Variants in BROX observed in about 807,000 individuals in gnomAD.
BROX encodes the protein BRO1 domain-containing protein BROX.
In BROX, 53 loss-of-function variants were observed where a neutral mutation model predicts 61.0. The observed-to-expected ratio is 0.87, with a 90% CI of 0.70 to 1.09. BROX has a LOEUF of 1.09. BROX is among the 50% of genes least tolerant of loss of function. The probability of loss-of-function intolerance (pLI) is 0.00; values close to 1 mark genes in which losing one functional copy is unlikely to be tolerated. For synonymous variants in BROX, 152 were observed against 160.2 expected, an observed-to-expected ratio of 0.95 and a Z score of 0.38; for missense variants, 489 against 472.0, an observed-to-expected ratio of 1.04 and a Z score of -0.33.
Position 222,729,621 on chromosome 1 carries a change from C to T in BROX, c.758C>T (p.Ala253Val). The T allele has an allele frequency of 6.2e-7, 1 of 1,611,720 alleles. No homozygotes were observed. Among genetic ancestry groups the T allele is most frequent in the South Asian group, 1.1e-5 (1 of 90,906 alleles). ...TAAAAAATTTGTTTATTTCATCAGG[C>T]TTACTGTTACCATGGTGAGACTTTA... ...HLKMCFYTAYAYCYHGETLLA... is the reference protein window; with the variant it reads ...HLKMCFYTAYVYCYHGETLLA... Residue 253 changes from alanine (A) to valine (V), a missense_variant and splice_region_variant, in exon 10 of 13, where the codon GCT (alanine) becomes GTT (valine). Transcript: ENST00000340934.
chr1:222,725,672 G>T (rs552563652), intron 7 of BROX, 117 bp downstream of exon 7: 1 of 692,334 alleles, frequency 1.4e-6, no homozygotes, highest in Non-Finnish European at 2.2e-6. Context: ...CACTTTGGGA[G>T]GTCTAGGTGG....
In BROX at chr1:222,733,752, G is replaced by C. The variant is rs1398163019; in HGVS notation, c.*1038G>C. The C allele has an allele frequency of 6.6e-6, 1 of 152,018 alleles. No homozygotes were observed. Among genetic ancestry groups the C allele is most frequent in the African/African-American group, 2.4e-5 (1 of 41,388 alleles). The allele number at this position is 152,018 out of a possible 1,614,324, so 9.4% of individuals were successfully genotyped here. A position where few individuals can be genotyped will look rare whatever the true frequency, so the allele number is the denominator to read the frequency against. Reference sequence around the variant, plus strand: ...TTTTTACAAATATCTTTTTCTAGTGGGTTTTTTACTTAGAGGAAAGAACTT... The same window carrying C: ...TTTTTACAAATATCTTTTTCTAGTGCGTTTTTTACTTAGAGGAAAGAACTT... On this transcript the variant is annotated 3_prime_UTR_variant, in exon 13 of 13. Coordinates refer to ENST00000340934, the MANE Select transcript of BROX (RefSeq NM_144695.4).
At chr1:222,720,525 G>A (rs1656998590) in intron 4 of BROX, among the ~76,000 whole-genome samples, 1 of 152,060 alleles carries the variant, frequency 6.6e-6, no homozygotes, top group African/African-American at 2.4e-5. Flanking sequence ...GTAATAGTGA[G>A]CTAAAGCCGG....
intron 4 of BROX, 143 bp from the exon 5 acceptor site, chr1:222,722,276 C>T (rs1371696716): frequency 4.4e-6 from 3 of 688,470 alleles, no homozygotes; most frequent in Non-Finnish European, 7.7e-6. Flanking sequence ...CTTATCTCCC[C>T]ATCTATATTA....
intron 8 of BROX, 59 bp from the exon 9 acceptor site, chr1:222,728,683 TA>T: frequency 1.8e-6 from 2 of 1,134,266 alleles, no homozygotes; most frequent in Non-Finnish European, 1.3e-6. Flanking sequence ...ACACATGAAC[TA>T]AAAGTCTTCT....
rs1658082067 is a variant in BROX at position 222,733,217 on chromosome 1, A to T, written c.*503A>T. ...TGCCTCAGCCTCCCGAGTAGCTGGG[A>T]TTACAGGCACGCACCACTACACCCA... is the stretch of plus-strand genomic sequence containing the variant. On this transcript the variant is annotated 3_prime_UTR_variant, in exon 13 of 13. Transcript: ENST00000340934. 1 of 151,806 alleles carries T rather than the reference A, an allele frequency of 6.6e-6. No homozygotes were observed. The highest frequency in any genetic ancestry group is 1.5e-5 in the Non-Finnish European group (1 of 68,758). 9.4% of individuals were successfully genotyped at this position (151,806 alleles called of 1,614,324 possible).
rs377488920 is a variant in BROX at position 222,722,481 on chromosome 1, C to T, written c.368C>T (p.Thr123Ile). 6.2e-7 allele frequency: 1 copy of T among 1,613,048 alleles called. No homozygotes were observed. Among genetic ancestry groups the T allele is most frequent in the Non-Finnish European group, 8.5e-7 (1 of 1,179,230 alleles). Residue 123 changes from threonine (T) to isoleucine (I), a missense_variant, in exon 5 of 13, where the codon ACC (threonine) becomes ATC (isoleucine). Transcript: ENST00000340934. Reference protein sequence around the residue: ...SMGFNVALWYTKYASRLAGKE... With the variant: ...SMGFNVALWYIKYASRLAGKE... The stretch of plus-strand genomic sequence containing the variant: ...GGATTTAATGTAGCTTTATGGTATA[C>T]CAAATATGCTTCAAGACTGGCTGGA...
chr1:222,713,593 C>A (rs1052280565), intron 1 of BROX: 5 of 308,492 alleles, frequency 1.6e-5, no homozygotes, highest in Admixed American at 6.5e-5. Context: ...CCTAGGAACT[C>A]CCGAAAACTG....
Position 222,719,259 on chromosome 1 carries a change from A to G in BROX, c.209-4A>G, listed in dbSNP as rs200062613. On this transcript the variant is annotated splice_polypyrimidine_tract_variant and splice_region_variant and intron_variant, in intron 3 of 12. Transcript: ENST00000340934. The stretch of plus-strand genomic sequence containing the variant: ...AAACTAAAATGTCTTGTACTTTTCT[A>G]TAGGTTTCATAAATTCTTTGGATGA... The G allele has an allele frequency of 5.8e-6, 9 of 1,563,072 alleles. No homozygotes were observed. Among genetic ancestry groups the G allele is most frequent in the East Asian group, 2.2e-5 (1 of 44,544 alleles).
intron 11 of BROX, among the ~76,000 whole-genome samples, chr1:222,730,968 T>A (rs2378604): frequency 0.81 from 122,773 of 151,960 alleles, 49,891 homozygotes; most frequent in Non-Finnish European, 0.84. Context: ...GTAGATCACC[T>A]TCTGTGTAGG....
rs1236686833 is a variant in BROX at position 222,731,378 on chromosome 1, AG to A, written c.1012del (p.Glu338LysfsTer14). 1.3e-6 allele frequency: 2 copies of A among 1,567,112 alleles called. No individual in the cohort carries two copies. The highest frequency in any genetic ancestry group is 1.7e-6 in the Non-Finnish European group (2 of 1,166,642). On this transcript the variant is annotated frameshift_variant, in exon 12 of 13. Transcript: ENST00000340934. LOFTEE classifies it high-confidence loss of function. ...GCAGTTACTTTCAAAAAATTCCAAC[AG>A]AAGCCCCACAGCTGGAACTCAAAGC... ...GFIYFQKIPT[E>X]APQLELKANY...
chr1:222,725,274 G>A (rs1657416258), intron 6 of BROX, among the ~76,000 whole-genome samples, 176 bp from the exon 7 acceptor site: 3 of 152,056 alleles, frequency 2.0e-5, no homozygotes, highest in Admixed American at 1.3e-4. Flanking sequence ...TAGTATACAG[G>A]AACTTTTATT....
intron 1 of BROX, chr1:222,713,186 G>A: frequency 1.0e-6 from 1 of 982,304 alleles, no homozygotes; most frequent in Non-Finnish European, 1.2e-6. Context: ...TTGGTCATTG[G>A]AGAGCTTATA....
chr1:222,734,010 T>C lies in BROX; in HGVS notation c.*1296T>C, dbSNP rs1487954058. ...TTTTCTGATAATGTCCTGTCAGAAT[T>C]GTATTGGTTTAGGCCAAAGGCCATA... On this transcript the variant is annotated 3_prime_UTR_variant, in exon 13 of 13. Transcript: ENST00000340934. The C allele has an allele frequency of 6.6e-6, 1 of 152,210 alleles. No homozygotes were observed. The highest frequency in any genetic ancestry group is 1.5e-5 in the Non-Finnish European group (1 of 68,028). The allele number at this position is 152,210 out of a possible 1,614,324, so 9.4% of individuals were successfully genotyped here. A position where few individuals can be genotyped will look rare whatever the true frequency, so the allele number is the denominator to read the frequency against.
intron 11 of BROX, 82 bp downstream of exon 11, chr1:222,730,259 C>A: frequency 9.8e-7 from 1 of 1,021,398 alleles, no homozygotes; most frequent in Non-Finnish European, 1.3e-6. Context: ...TTAGTAATAT[C>A]ATTTCTGTTA....
intron 1 of BROX, 104 bp from the exon 2 acceptor site, chr1:222,715,580 G>A (rs1656539041): frequency 1.0e-5 from 5 of 489,910 alleles, no homozygotes; most frequent in East Asian, 3.9e-5. Flanking sequence ...GCTAATTTTC[G>A]AATTAAATTT....
In BROX at chr1:222,735,129, TAA is replaced by T. The variant is rs1571997023; in HGVS notation, c.*2418_*2419del. 6.6e-6 allele frequency: 1 copy of T among 152,356 alleles called. No individual in the cohort carries two copies. The highest frequency in any genetic ancestry group is 2.4e-5 in the African/African-American group (1 of 41,594). The allele number at this position is 152,356 out of a possible 1,614,324, so 9.4% of individuals were successfully genotyped here. A position where few individuals can be genotyped will look rare whatever the true frequency, so the allele number is the denominator to read the frequency against. ...GTGACAACTAACATGTTACTTCAAC[TAA>T]AAGTGTATAATGGGTTGTCTTTTTA... is the stretch of plus-strand genomic sequence containing the variant. On this transcript the variant is annotated 3_prime_UTR_variant, in exon 13 of 13. Transcript: ENST00000340934.
In BROX at chr1:222,718,953, C is replaced by T; in HGVS notation, c.130C>T (p.Leu44Phe). ...NDLRSSRARL[L>F]ELFTDLSCNP... ...CTTGAGGTCATCCAGGGCACGACTC[C>T]TTGAACTGTTCACTGATTTGAGCTG... Residue 44 changes from leucine (L) to phenylalanine (F), a missense_variant, in exon 3 of 13, where the codon CTT becomes TTT. Transcript: ENST00000340934. 1 of 1,613,854 alleles carries T rather than the reference C, an allele frequency of 6.2e-7. No individual in the cohort carries two copies. Among genetic ancestry groups the T allele is most frequent in the South Asian group, 1.1e-5 (1 of 91,056 alleles).
intron 4 of BROX, among the ~76,000 whole-genome samples, chr1:222,721,391 A>C (rs868076819): frequency 8.6e-6 from 1 of 115,620 alleles, no homozygotes; most frequent in Non-Finnish European, 1.8e-5. Flanking sequence ...TTTTTTTTTC[A>C]TTTAAAAAGT....
Sources: allele counts gnomAD v4.1 joint callset (sites outside exome capture counted in the v4.1 genomes callset), GRCh38; gene constraint gnomAD v4.1.1; transcripts MANE v1.5; gene names NCBI Gene and HGNC (gene_info 2026-07-23, HGNC 2026-07-21).